NBAS: variants seen among roughly 807,000 people sequenced by gnomAD.
NBAS encodes NAG/BC035112 fusion.
NBAS carries 219 observed loss-of-function variants against 302.5 expected under a neutral mutation model. That is an observed-to-expected ratio of 0.72 (90% CI 0.65 to 0.81). NBAS has a LOEUF of 0.81. Ranked by LOEUF, NBAS falls within the 30% of genes least tolerant of loss-of-function variation. The probability of loss-of-function intolerance (pLI) is 0.00; values close to 1 mark genes in which losing one functional copy is unlikely to be tolerated. For missense variants in NBAS, 2,932 were observed against 2,841.6 expected (o/e 1.03, Z -0.72); for synonymous variants, 1,118 against 1,021.6 (o/e 1.09, Z -1.80).
the NBAS span, among the ~76,000 whole-genome samples, chr2:14,916,845 T>G: frequency 9.9e-5 from 15 of 152,222 alleles, no homozygotes; most frequent in Non-Finnish European, 1.8e-4. Context: ...GTGGATCACA[T>G]GCACAATGTT....
At chr2:14,789,110 C>A in the NBAS span, among the ~76,000 whole-genome samples, 1 of 152,006 alleles carries the variant, frequency 6.6e-6, no homozygotes, top group Non-Finnish European at 1.5e-5. Context: ...ATGAATGAGG[C>A]TCCGTGGGCA....
At chr2:15,029,838 A>G in the NBAS span, among the ~76,000 whole-genome samples, 1 of 152,266 alleles carries the variant, frequency 6.6e-6, no homozygotes, top group African/African-American at 2.4e-5. Context: ...GCCCTTCCCA[A>G]TGTTACCTGT....
intron 12 of NBAS, chr2:15,483,339 T>A (rs1435711090): frequency 2.3e-6 from 1 of 438,164 alleles, no homozygotes; most frequent in African/African-American, 2.1e-5. Flanking sequence ...CACTTACTCT[T>A]CATTCATCTA....
the NBAS span, among the ~76,000 whole-genome samples, chr2:14,834,298 C>A: frequency 6.6e-6 from 1 of 152,150 alleles, no homozygotes; most frequent in Non-Finnish European, 1.5e-5. Context: ...ACAACCCCAT[C>A]TTTGCTGTGG....
At chr2:15,377,545 C>A (rs1370748407) in intron 30 of NBAS, among the ~76,000 whole-genome samples, 5 of 152,206 alleles carry the variant, frequency 3.3e-5, no homozygotes, top group African/African-American at 4.8e-5. Context: ...AGGTGAAGAA[C>A]CTGAGGCCCT....
In NBAS at chr2:15,287,864, C is replaced by T. The variant is rs528978201; in HGVS notation, c.5028-681G>A. On this transcript the variant is annotated intron_variant, in intron 41 of 51. Transcript: ENST00000281513. Reference sequence around the variant, plus strand: ...GTGTAGGCATCCCCGCATAAACATCCTGAGCACCCCGTGTAGGCATCCCCG... The same window carrying T: ...GTGTAGGCATCCCCGCATAAACATCTTGAGCACCCCGTGTAGGCATCCCCG... Among the ~76,000 whole-genome samples, 283 of 151,344 alleles carry T rather than the reference C, an allele frequency of 1.9e-3. 1 individual carries two copies. The highest frequency in any genetic ancestry group is 3.8e-3 in the Non-Finnish European group (256 of 67,694).
intron 44 of NBAS, among the ~76,000 whole-genome samples, chr2:15,270,050 G>T (rs1469363548): frequency 6.6e-6 from 1 of 152,168 alleles, no homozygotes; most frequent in Non-Finnish European, 1.5e-5. Context: ...ACATGAAAAT[G>T]TAACACAGTG....
At position 15,491,608 on chromosome 2, in the gene NBAS, C is replaced by T. The variant is rs193223940; in HGVS notation, c.955-2586G>A. Reference sequence around the variant, plus strand: ...AAAATTAGCCAGGCGTGGTGGTGGGCGCCTGTAGTCCCAACTACTTGGGAG... The same window carrying T: ...AAAATTAGCCAGGCGTGGTGGTGGGTGCCTGTAGTCCCAACTACTTGGGAG... On this transcript the variant is annotated intron_variant, in intron 11 of 51. Transcript: ENST00000281513. Among the ~76,000 whole-genome samples the T allele has an allele frequency of 3.3e-3, 508 of 152,080 alleles. 2 individuals carry two copies. The highest frequency in any genetic ancestry group is 0.011 in the African/African-American group (465 of 41,484).
chr2:15,139,977 A>T, the NBAS span, among the ~76,000 whole-genome samples: 1 of 152,148 alleles, frequency 6.6e-6, no homozygotes, highest in Admixed American at 6.5e-5. Flanking sequence ...TTCCCTCCCC[A>T]TAAATGTGGG....
intron 48 of NBAS, among the ~76,000 whole-genome samples, chr2:15,194,939 T>C (rs1026562784): frequency 9.9e-5 from 15 of 152,102 alleles, no homozygotes; most frequent in African/African-American, 3.6e-4. Flanking sequence ...ATAAATTGTC[T>C]ATATAGAAAA....
intron 6 of NBAS, among the ~76,000 whole-genome samples, chr2:15,540,224 C>T (rs1663740517): frequency 6.6e-6 from 1 of 152,028 alleles, no homozygotes; most frequent in Non-Finnish European, 1.5e-5. Flanking sequence ...AAGGTGTCAC[C>T]TTGAGTCAAG....
chr2:15,144,423 T>C, the NBAS span, among the ~76,000 whole-genome samples: 1 of 152,190 alleles, frequency 6.6e-6, no homozygotes, highest in African/African-American at 2.4e-5. Flanking sequence ...AAGAATGACT[T>C]TTATGTTTGG....
rs758821184 is a variant in NBAS, at chr2:15,350,620, T to C, written c.4179+1372A>G. Among the ~76,000 whole-genome samples the C allele has an allele frequency of 1.8e-4, 27 of 152,156 alleles. 1 individual carries two copies. The highest frequency in any genetic ancestry group is 4.1e-4 in the South Asian group (2 of 4,834). On this transcript the variant is annotated intron_variant, in intron 35 of 51. Coordinates refer to ENST00000281513, the MANE Select transcript of NBAS (RefSeq NM_015909.4). ...AGGATGGAAGATTCTGAAACACATA[T>C]AGACTTAATTGGTTCGGACAATTTT...
chr2:15,254,010 G>T (rs533620937), intron 44 of NBAS, among the ~76,000 whole-genome samples: 1 of 152,132 alleles, frequency 6.6e-6, no homozygotes. Flanking sequence ...AGAGAGGAAC[G>T]TGAATTCTCC....
chr2:15,086,075 C>T, the NBAS span, among the ~76,000 whole-genome samples: 1 of 152,054 alleles, frequency 6.6e-6, no homozygotes. Flanking sequence ...GTTTCCAGTC[C>T]CACAGACCAG....
the NBAS span, among the ~76,000 whole-genome samples, chr2:15,100,720 A>G: frequency 6.6e-6 from 1 of 152,172 alleles, no homozygotes; most frequent in African/African-American, 2.4e-5. Flanking sequence ...CTGACCCTTC[A>G]AGGTAAAGAG....
intron 44 of NBAS, among the ~76,000 whole-genome samples, chr2:15,254,805 C>T (rs1320331328): frequency 6.6e-6 from 1 of 152,154 alleles, no homozygotes; most frequent in African/African-American, 2.4e-5. Flanking sequence ...TTTGGTTTTC[C>T]ACTCCTGAGT....
the NBAS span, among the ~76,000 whole-genome samples, chr2:14,866,216 T>C: frequency 2.0e-5 from 3 of 152,192 alleles, no homozygotes; most frequent in Non-Finnish European, 1.5e-5. Context: ...TACAGTCAGC[T>C]TAACAGTGCA....
At position 15,561,287 on chromosome 2, in the gene NBAS, T is replaced by G. The variant is rs1424066275; in HGVS notation, c.18A>C (p.Ser6=). 6.2e-7 allele frequency: 1 copy of G among 1,613,490 alleles called. No individual in the cohort carries two copies. The highest frequency in any genetic ancestry group is 8.5e-7 in the Non-Finnish European group (1 of 1,180,018). The change falls in exon 1 of 52, where the codon TCA becomes TCC. Residue 6 remains serine (S), a synonymous_variant. Coordinates refer to ENST00000281513, the MANE Select transcript of NBAS (RefSeq NM_015909.4). MAAPE[S]GPALSPGTAE... ...CAGTGCCTGGACTCAAAGCCGGCCC[T>G]GACTCGGGGGCCGCCATGTTCGCCG... is the stretch of plus-strand genomic sequence containing the variant.
Sources: gnomAD v4.1 joint callset for allele counts (sites outside exome capture counted in the v4.1 genomes callset) on GRCh38, gnomAD v4.1.1 for gene constraint, MANE v1.5 for transcripts, NCBI Gene and HGNC (gene_info 2026-07-23, HGNC 2026-07-21) for gene names.